The following GPR39 variants were observed in gnomAD, a reference collection of about 807,000 sequenced individuals.
The protein encoded by GPR39 is G protein-coupled receptor 39.
Under a neutral mutation model 18.4 loss-of-function variants are expected in GPR39, and 23 were observed. The observed-to-expected ratio is 1.25, with a 90% CI of 0.90 to 1.77. The LOEUF (loss-of-function observed/expected upper bound fraction) is 1.77. GPR39 is among the 40% of genes most tolerant of loss of function. The pLI is 0.00. For missense variants in GPR39, 647 were observed against 602.4 expected (o/e 1.07, Z -0.78); for synonymous variants, 280 against 257.9 (o/e 1.09, Z -0.82).
chr2:132,448,008 G>C (rs1158276698), intron 1 of GPR39, among the ~76,000 whole-genome samples: 1 of 152,202 alleles, frequency 6.6e-6, no homozygotes, highest in African/African-American at 2.4e-5. Context: ...GGCAGACCTA[G>C]ATCTTTCAAT....
intron 1 of GPR39, among the ~76,000 whole-genome samples, chr2:132,512,298 G>A (rs1051732673): frequency 6.6e-4 from 101 of 152,296 alleles, no homozygotes; most frequent in African/African-American, 2.2e-3. Context: ...AGTTGGCTCA[G>A]CACACCTCCC....
chr2:132,420,746 A>G (rs1177609693), intron 1 of GPR39, among the ~76,000 whole-genome samples: 1 of 152,230 alleles, frequency 6.6e-6, no homozygotes, highest in East Asian at 1.9e-4. Flanking sequence ...ACGCAAGATG[A>G]GGAAGCCCAT....
At chr2:132,609,591 G>T (rs1681204810) in intron 1 of GPR39, among the ~76,000 whole-genome samples, 1 of 152,194 alleles carries the variant, frequency 6.6e-6, no homozygotes, top group Non-Finnish European at 1.5e-5. Flanking sequence ...CCAGCACAAG[G>T]AGCTTCTGAT....
rs901162091 is a variant in GPR39 at position 132,526,873 on chromosome 2, G to A, written c.856+108975G>A. On this transcript the variant is annotated intron_variant, in intron 1 of 1. Transcript: ENST00000329321. Reference sequence around the variant, plus strand: ...TTTAACCCATAAGGTGACTAACAGAGGGTGTTCAAATAATGTGCTAGACCC... The same window carrying A: ...TTTAACCCATAAGGTGACTAACAGAAGGTGTTCAAATAATGTGCTAGACCC... Among the ~76,000 whole-genome samples, 5 of 152,162 alleles carry A rather than the reference G, an allele frequency of 3.3e-5. No homozygotes were observed. The South Asian group carries it at 1.0e-3, about 32-fold the overall frequency.
intron 1 of GPR39, among the ~76,000 whole-genome samples, chr2:132,631,809 T>G (rs1573708810): frequency 6.6e-6 from 1 of 151,554 alleles, no homozygotes; most frequent in East Asian, 1.9e-4. Flanking sequence ...AAATGAAGTT[T>G]TTCTTCTTCT....
chr2:132,456,866 T>G (rs1341938175), intron 1 of GPR39, among the ~76,000 whole-genome samples: 1 of 152,266 alleles, frequency 6.6e-6, no homozygotes, highest in African/African-American at 2.4e-5. Flanking sequence ...TCTGATGGGC[T>G]TCCCTTTGTG....
intron 1 of GPR39, among the ~76,000 whole-genome samples, chr2:132,458,526 G>A (rs1558804361): frequency 1.3e-5 from 2 of 148,268 alleles, no homozygotes; most frequent in South Asian, 4.3e-4. Context: ...CAAAAATCAT[G>A]ACAAAGTATT....
rs142109876 is a variant in GPR39, at chr2:132,527,532, G to A, written c.856+109634G>A. ...AATTGCCACACTGTCTTCCACAATG[G>A]TTGAACTAATTTACATTCCTACCAA... On this transcript the variant is annotated intron_variant, in intron 1 of 1. Transcript: ENST00000329321. Among the ~76,000 whole-genome samples the A allele has an allele frequency of 4.5e-3, 682 of 152,300 alleles. 5 individuals are homozygous for A. The highest frequency in any genetic ancestry group is 0.015 in the African/African-American group (627 of 41,564).
In GPR39 at chr2:132,417,006, G is replaced by T. The variant is rs532069823; in HGVS notation, c.-37G>T. The T allele has an allele frequency of 4.4e-6, 7 of 1,595,754 alleles. No homozygotes were observed. Among genetic ancestry groups the T allele is most frequent in the South Asian group, 1.1e-5 (1 of 88,378 alleles). On this transcript the variant is annotated 5_prime_UTR_variant, in exon 1 of 2. Transcript: ENST00000329321. ...TGCTGGGAGGAGAAAGGGAAGTTGA[G>T]AAAGTCTTTGGACCTGGTAGCCTGG...
chr2:132,448,975 C>T (rs542273786), intron 1 of GPR39, among the ~76,000 whole-genome samples: 34 of 152,220 alleles, frequency 2.2e-4, no homozygotes, highest in Non-Finnish European at 2.6e-4. Flanking sequence ...TTGTCTCTTA[C>T]AGCCAGCTCT....
At chr2:132,572,175 G>A (rs974272377) in intron 1 of GPR39, among the ~76,000 whole-genome samples, 4 of 152,168 alleles carry the variant, frequency 2.6e-5, no homozygotes, top group Admixed American at 6.5e-5. Flanking sequence ...TCTGCTTTCC[G>A]TAGGGGCAGG....
At chr2:132,615,485 C>A (rs1347736603) in intron 1 of GPR39, among the ~76,000 whole-genome samples, 4 of 152,158 alleles carry the variant, frequency 2.6e-5, no homozygotes, top group Admixed American at 1.3e-4. Flanking sequence ...CAGCTCCCAA[C>A]AGAGACTGTG....
chr2:132,529,295 G>C (rs969072152), intron 1 of GPR39, among the ~76,000 whole-genome samples: 1 of 152,184 alleles, frequency 6.6e-6, no homozygotes, highest in Non-Finnish European at 1.5e-5. Flanking sequence ...AGGCGGCAGC[G>C]AGGCTGGGGG....
At chr2:132,643,097 A>T (rs538019056) in intron 1 of GPR39, among the ~76,000 whole-genome samples, 7 of 152,316 alleles carry the variant, frequency 4.6e-5, no homozygotes, top group African/African-American at 1.7e-4. Context: ...GTATTTTTTT[A>T]AAATCAGAAA....
intron 1 of GPR39, among the ~76,000 whole-genome samples, chr2:132,527,091 T>C (rs370843124): frequency 3.3e-5 from 5 of 152,148 alleles, no homozygotes; most frequent in African/African-American, 7.2e-5. Context: ...CCTAATGCTC[T>C]CCTTCCCCTC....
chr2:132,559,732 T>C (rs1186150326), intron 1 of GPR39, among the ~76,000 whole-genome samples: 1 of 152,084 alleles, frequency 6.6e-6, no homozygotes, highest in Non-Finnish European at 1.5e-5. Flanking sequence ...AGGCCACAAA[T>C]ACTGTCGTTG....
rs113390770 is a variant in GPR39 at position 132,452,342 on chromosome 2, C to A, written c.856+34444C>A. On this transcript the variant is annotated intron_variant, in intron 1 of 1. Coordinates refer to ENST00000329321, the MANE Select transcript of GPR39 (RefSeq NM_001508.3). ...TTTCTGGAAAATGTATTGAGTTACACCTTTAAATATTCTTTTATGTCTTTT... is the reference window on the plus strand; with the variant it reads ...TTTCTGGAAAATGTATTGAGTTACAACTTTAAATATTCTTTTATGTCTTTT... 2.1e-3 allele frequency among the ~76,000 whole-genome samples: 314 copies of A among 152,234 alleles called. 2 individuals carry two copies. The highest frequency in any genetic ancestry group is 6.8e-3 in the African/African-American group (284 of 41,528).
At chr2:132,584,796 A>G (rs1680696146) in intron 1 of GPR39, among the ~76,000 whole-genome samples, 1 of 152,228 alleles carries the variant, frequency 6.6e-6, no homozygotes, top group Admixed American at 6.5e-5. Context: ...TTAGACGATT[A>G]CCAGTGTTCG....
chr2:132,604,400 G>C (rs1287740846), intron 1 of GPR39: 1 of 152,166 alleles, frequency 6.6e-6, no homozygotes, highest in Non-Finnish European at 1.5e-5. Flanking sequence ...AGAAATCTTT[G>C]AGTTCTGAGC....
Sources: allele counts gnomAD v4.1 joint callset (sites outside exome capture counted in the v4.1 genomes callset), GRCh38; gene constraint gnomAD v4.1.1; transcripts MANE v1.5; gene names NCBI Gene and HGNC (gene_info 2026-07-23, HGNC 2026-07-21).